The following PLD5 variants were observed in gnomAD, a reference collection of about 807,000 sequenced individuals.
PLD5 encodes phospholipase D family member 5, also known as inactive phospholipase D5.
In PLD5, 36 loss-of-function variants were observed where a neutral mutation model predicts 61.1. The ratio of observed to expected loss-of-function variants is 0.59; its 90% CI spans 0.45 to 0.78. PLD5 has a LOEUF of 0.78. PLD5 is among the 30% of genes least tolerant of loss of function. The pLI, the probability that PLD5 is intolerant of heterozygous loss-of-function variation, is 0.00. For synonymous variants in PLD5, 243 were observed against 242.8 expected (o/e 1.00, Z -0.01); for missense variants, 515 against 644.4 (o/e 0.80, Z 2.17).
At chr1:242,187,867 T>G (rs1668004122) in intron 5 of PLD5, among the ~76,000 whole-genome samples, 1 of 152,178 alleles carries the variant, frequency 6.6e-6, no homozygotes, top group Non-Finnish European at 1.5e-5. Flanking sequence ...AATGTTATTT[T>G]GCTGGTGTAC....
In PLD5 at chr1:242,352,570, GT is replaced by G. The variant is rs1660538649; in HGVS notation, c.190-4329del. Among the ~76,000 whole-genome samples, 3 of 152,114 alleles carry G rather than the reference GT, an allele frequency of 2.0e-5. No homozygotes were observed. In the South Asian group the frequency reaches 6.2e-4, roughly 32 times the overall value. On this transcript the variant is annotated intron_variant, in intron 1 of 9. Transcript: ENST00000536534. ...AAAATCTTTGGGTAAATACCCAAAG[GT>G]AGGACTGCTAGATCATATGGCAAAT...
chr1:242,124,355 G>T, intron 6 of PLD5, 113 bp downstream of exon 6: 1 of 981,670 alleles, frequency 1.0e-6, no homozygotes, highest in Non-Finnish European at 1.5e-6. Flanking sequence ...TCATGGGATA[G>T]AACCACTGTA....
chr1:242,423,023 A>T lies in PLD5; in HGVS notation c.190-74781T>A, dbSNP rs542584298. Among the ~76,000 whole-genome samples the T allele has an allele frequency of 3.3e-5, 5 of 151,360 alleles. No individual in the cohort carries two copies. In the East Asian group the frequency reaches 5.9e-4, roughly 18 times the overall value. ...GCCACCATACTTGGCTATTTTTTTT[A>T]AATTTTTAGTAGCGACAAAGTCTCA... On this transcript the variant is annotated intron_variant, in intron 1 of 9. Coordinates refer to ENST00000536534, the MANE Select transcript of PLD5 (RefSeq NM_001372062.1).
At chr1:242,307,373 GAT>G (rs1362567416) in intron 2 of PLD5, among the ~76,000 whole-genome samples, 16 of 152,188 alleles carry the variant, frequency 1.1e-4, no homozygotes, top group Non-Finnish European at 1.9e-4. Flanking sequence ...TGATGATGAT[GAT>G]GATGATGATG....
intron 5 of PLD5, among the ~76,000 whole-genome samples, chr1:242,142,776 G>T (rs1664270891): frequency 6.6e-6 from 1 of 151,626 alleles, no homozygotes; most frequent in Non-Finnish European, 1.5e-5. Context: ...CTGTCTGACA[G>T]AGTCCCTCTA....
chr1:242,232,767 C>T (rs1480486103), intron 4 of PLD5, among the ~76,000 whole-genome samples: 1 of 152,124 alleles, frequency 6.6e-6, no homozygotes, highest in Non-Finnish European at 1.5e-5. Flanking sequence ...TACTTGAACC[C>T]AAGAGGCGGA....
chr1:242,248,574 C>T (rs1310413452), intron 4 of PLD5, among the ~76,000 whole-genome samples: 1 of 151,950 alleles, frequency 6.6e-6, no homozygotes, highest in East Asian at 1.9e-4. Context: ...CCTAGTCTGT[C>T]ACCCTTTTTG....
intron 1 of PLD5, among the ~76,000 whole-genome samples, chr1:242,449,046 T>A (rs1382144218): frequency 1.3e-5 from 2 of 152,206 alleles, no homozygotes; most frequent in Non-Finnish European, 2.9e-5. Flanking sequence ...AAGAGCACAC[T>A]TCAGAGAATG....
At chr1:242,483,973 G>A (rs542313628) in intron 1 of PLD5, among the ~76,000 whole-genome samples, 14 of 152,082 alleles carry the variant, frequency 9.2e-5, no homozygotes, top group South Asian at 6.2e-4. Context: ...GGTACATAAC[G>A]AAATGAAGGC....
intron 3 of PLD5, among the ~76,000 whole-genome samples, chr1:242,272,695 T>C (rs1192330459): frequency 6.6e-6 from 1 of 152,158 alleles, no homozygotes; most frequent in Non-Finnish European, 1.5e-5. Context: ...TCTAGAAAGC[T>C]ATGAATAGGT....
chr1:242,401,746 T>C (rs1392941226), intron 1 of PLD5, among the ~76,000 whole-genome samples: 1 of 152,198 alleles, frequency 6.6e-6, no homozygotes, highest in East Asian at 1.9e-4. Flanking sequence ...AAAATGAAGA[T>C]GTCCCTGCAC....
intron 4 of PLD5, among the ~76,000 whole-genome samples, chr1:242,253,655 C>A (rs1339282810): frequency 6.6e-6 from 1 of 152,088 alleles, no homozygotes; most frequent in Non-Finnish European, 1.5e-5. Context: ...TCTAGCATCC[C>A]TAGAATAGAA....
intron 4 of PLD5, among the ~76,000 whole-genome samples, chr1:242,230,786 A>G (rs551353693): frequency 1.3e-5 from 2 of 152,350 alleles, no homozygotes; most frequent in Admixed American, 6.5e-5. Context: ...TGTGAAAACT[A>G]TGTTGTAGAA....
chr1:242,378,390 T>C (rs1207709962), intron 1 of PLD5, among the ~76,000 whole-genome samples: 1 of 152,144 alleles, frequency 6.6e-6, no homozygotes, highest in Non-Finnish European at 1.5e-5. Flanking sequence ...TTAATGGGTA[T>C]AGAATTTCAG....
intron 5 of PLD5, among the ~76,000 whole-genome samples, chr1:242,186,684 T>G (rs1021708407): frequency 1.3e-5 from 2 of 152,166 alleles, no homozygotes; most frequent in African/African-American, 4.8e-5. Flanking sequence ...CTCTTCTATA[T>G]TTTCTCATTC....
intron 1 of PLD5, among the ~76,000 whole-genome samples, chr1:242,363,044 CAG>C (rs1661156285): frequency 1.3e-5 from 2 of 152,084 alleles, no homozygotes; most frequent in Admixed American, 6.5e-5. Flanking sequence ...GGCAGAAAAC[CAG>C]AGAGAGAAAA....
intron 1 of PLD5, among the ~76,000 whole-genome samples, chr1:242,461,574 T>C (rs1300611768): frequency 1.3e-5 from 2 of 152,240 alleles, no homozygotes; most frequent in African/African-American, 2.4e-5. Context: ...GGAAAATCAA[T>C]AGAGTGATTT....
intron 5 of PLD5, among the ~76,000 whole-genome samples, chr1:242,134,829 T>C (rs1227766453): frequency 1.3e-5 from 2 of 152,192 alleles, no homozygotes; most frequent in African/African-American, 2.4e-5. Context: ...CCCAGCACCA[T>C]TGGTTCTCAT....
At chr1:242,280,048 T>C (rs1241614375) in intron 3 of PLD5, among the ~76,000 whole-genome samples, 3 of 152,198 alleles carry the variant, frequency 2.0e-5, no homozygotes, top group Non-Finnish European at 2.9e-5. Context: ...TTTTAAAAGC[T>C]CCATTCTTTA....
Sources: gnomAD v4.1 joint callset for allele counts (sites outside exome capture counted in the v4.1 genomes callset) on GRCh38, gnomAD v4.1.1 for gene constraint, MANE v1.5 for transcripts, NCBI Gene and HGNC (gene_info 2026-07-23, HGNC 2026-07-21) for gene names.